FHIT: variants seen among roughly 807,000 people sequenced by gnomAD.
The protein encoded by FHIT is bis(5'-adenosyl)-triphosphatase.
FHIT carries 19 observed loss-of-function variants against 17.9 expected under a neutral mutation model. The ratio of observed to expected loss-of-function variants is 1.06; its 90% CI spans 0.74 to 1.56. The LOEUF (loss-of-function observed/expected upper bound fraction) is 1.56. FHIT is among the 40% of genes most tolerant of loss of function. The pLI is 0.00. For missense variants in FHIT, 248 were observed against 189.2 expected, an observed-to-expected ratio of 1.31 and a Z score of -1.82; for synonymous variants, 81 against 69.7, an observed-to-expected ratio of 1.16 and a Z score of -0.81.
intron 7 of FHIT, among the ~76,000 whole-genome samples, chr3:59,988,678 T>A (rs2107465215): frequency 6.6e-6 from 1 of 151,968 alleles, no homozygotes; most frequent in East Asian, 1.9e-4. Context: ...TGCCTAAGGG[T>A]TTCAAACTGA....
At chr3:61,106,986 A>G (rs1375444493) in intron 2 of FHIT, among the ~76,000 whole-genome samples, 1 of 152,136 alleles carries the variant, frequency 6.6e-6, no homozygotes, top group Non-Finnish European at 1.5e-5. Context: ...TAGTGAGAAC[A>G]CTTAAAATTT....
intron 5 of FHIT, among the ~76,000 whole-genome samples, chr3:60,098,681 A>T (rs548677832): frequency 5.8e-4 from 89 of 152,246 alleles, no homozygotes; most frequent in Non-Finnish European, 1.0e-3. Flanking sequence ...GTTCACTCTG[A>T]TGGTAGTTTC....
At chr3:60,089,305 T>G (rs1372866364) in intron 5 of FHIT, among the ~76,000 whole-genome samples, 1 of 152,326 alleles carries the variant, frequency 6.6e-6, no homozygotes, top group Admixed American at 6.5e-5. Context: ...TTATTAAACT[T>G]TTTAGTATAT....
intron 8 of FHIT, among the ~76,000 whole-genome samples, chr3:59,876,609 C>A (rs910511028): frequency 2.6e-5 from 4 of 152,144 alleles, no homozygotes; most frequent in African/African-American, 9.7e-5. Flanking sequence ...GGGAGATAAG[C>A]CCCTGCTACA....
chr3:61,035,423 A>G (rs1395563998), intron 3 of FHIT, among the ~76,000 whole-genome samples: 2 of 152,222 alleles, frequency 1.3e-5, no homozygotes, highest in Non-Finnish European at 2.9e-5. Flanking sequence ...AAAAAATTAC[A>G]TTACAGTTGA....
At chr3:59,823,586 A>T (rs185862860) in intron 8 of FHIT, among the ~76,000 whole-genome samples, 370 of 143,860 alleles carry the variant, frequency 2.6e-3, no homozygotes, top group African/African-American at 9.8e-3. Flanking sequence ...AAACAGAATT[A>T]AAAAAAAAAT....
rs796452627 is a variant in FHIT, at chr3:61,117,071, A to G, written c.-163-74972T>C. ...ACAAAAAATATAATGAGCCAACTTTAAAGAAAGCTTCCAATAATTTTATTA... is the reference window on the plus strand; with the variant it reads ...ACAAAAAATATAATGAGCCAACTTTGAAGAAAGCTTCCAATAATTTTATTA... On this transcript the variant is annotated intron_variant, in intron 2 of 9. Coordinates refer to ENST00000492590, the MANE Select transcript of FHIT (RefSeq NM_002012.4). Among the ~76,000 whole-genome samples the G allele has an allele frequency of 5.3e-4, 80 of 152,300 alleles. 1 individual carries two copies. Among genetic ancestry groups the G allele is most frequent in the African/African-American group, 1.9e-3 (79 of 41,582 alleles).
At chr3:60,493,928 A>C (rs1173449190) in intron 5 of FHIT, among the ~76,000 whole-genome samples, 1 of 152,092 alleles carries the variant, frequency 6.6e-6, no homozygotes, top group African/African-American at 2.4e-5. Context: ...CATTTTGGTT[A>C]AGACTTTGCA....
chr3:60,877,915 T>G (rs1704745190), intron 3 of FHIT, among the ~76,000 whole-genome samples: 1 of 152,050 alleles, frequency 6.6e-6, no homozygotes, highest in African/African-American at 2.4e-5. Flanking sequence ...TTGCTGCCAC[T>G]GCGCCTGGCC....
intron 5 of FHIT, among the ~76,000 whole-genome samples, chr3:60,246,111 G>A (rs1202885457): frequency 6.6e-6 from 1 of 152,030 alleles, no homozygotes; most frequent in Non-Finnish European, 1.5e-5. Context: ...TCAGAAGTAT[G>A]GAATGAGGCA....
chr3:61,047,471 G>A (rs566861159), intron 2 of FHIT, among the ~76,000 whole-genome samples: 12 of 152,232 alleles, frequency 7.9e-5, no homozygotes, highest in East Asian at 7.7e-4. Flanking sequence ...ACTGCTCAAC[G>A]AAATAAAAGA....
chr3:59,905,850 T>C (rs772357496), intron 8 of FHIT, among the ~76,000 whole-genome samples: 3 of 152,176 alleles, frequency 2.0e-5, no homozygotes, highest in Non-Finnish European at 4.4e-5. Context: ...TAAGTTTCTA[T>C]ACTTGAATGA....
At chr3:60,898,433 G>T (rs1465987229) in intron 3 of FHIT, among the ~76,000 whole-genome samples, 1 of 152,174 alleles carries the variant, frequency 6.6e-6, no homozygotes, top group African/African-American at 2.4e-5. Context: ...GATATACGTG[G>T]TCAAGTTGCC....
At chr3:60,531,782 C>T (rs990548203) in intron 5 of FHIT, among the ~76,000 whole-genome samples, 9 of 152,158 alleles carry the variant, frequency 5.9e-5, no homozygotes, top group African/African-American at 1.4e-4. Context: ...TATTTTTCCA[C>T]TTATTTCAGG....
chr3:60,449,271 C>G (rs1468748602), intron 5 of FHIT, among the ~76,000 whole-genome samples: 1 of 152,164 alleles, frequency 6.6e-6, no homozygotes, highest in Non-Finnish European at 1.5e-5. Context: ...ACATCTTGTT[C>G]TAGCCTTTTG....
At chr3:60,141,708 A>T (rs925328610) in intron 5 of FHIT, among the ~76,000 whole-genome samples, 5 of 152,198 alleles carry the variant, frequency 3.3e-5, no homozygotes, top group African/African-American at 1.2e-4. Context: ...TGTTTTGAGC[A>T]GGTGTTTGGA....
At chr3:60,540,176 C>T (rs1185582275) in intron 4 of FHIT, among the ~76,000 whole-genome samples, 1 of 152,134 alleles carries the variant, frequency 6.6e-6, no homozygotes, top group Non-Finnish European at 1.5e-5. Context: ...GATAGCTGAA[C>T]ACGCAGAAGT....
chr3:60,042,811 C>T (rs1277038816), intron 5 of FHIT, among the ~76,000 whole-genome samples: 1 of 151,862 alleles, frequency 6.6e-6, no homozygotes, highest in Non-Finnish European at 1.5e-5. Flanking sequence ...ATTAAGTAAC[C>T]AAACATAAAA....
intron 5 of FHIT, among the ~76,000 whole-genome samples, chr3:60,249,968 T>C (rs1294494559): frequency 6.6e-6 from 1 of 152,076 alleles, no homozygotes; most frequent in Non-Finnish European, 1.5e-5. Flanking sequence ...CTTGTGAGAC[T>C]TATTCACTAC....
Sources: gnomAD v4.1 joint callset for allele counts (sites outside exome capture counted in the v4.1 genomes callset) on GRCh38, gnomAD v4.1.1 for gene constraint, MANE v1.5 for transcripts, NCBI Gene and HGNC (gene_info 2026-07-23, HGNC 2026-07-21) for gene names.